The following SETDB1 variants were observed in gnomAD, a reference collection of about 807,000 sequenced individuals.
SETDB1 encodes SET domain bifurcated histone lysine methyltransferase 1.
SETDB1 carries 31 observed loss-of-function variants against 137.4 expected under a neutral mutation model. That is an observed-to-expected ratio of 0.23 (90% CI 0.17 to 0.30). The LOEUF (loss-of-function observed/expected upper bound fraction) is 0.30. Ranked by LOEUF, SETDB1 falls within the 10% of genes least tolerant of loss-of-function variation. SETDB1 has a pLI of 1.00. For synonymous variants in SETDB1, 548 were observed against 579.9 expected, an observed-to-expected ratio of 0.95 and a Z score of 0.79; for missense variants, 1,113 against 1,631.5, an observed-to-expected ratio of 0.68 and a Z score of 5.47.
rs1669684246 is a variant in SETDB1, at chr1:150,930,309, C to T, written c.412+191C>T. The stretch of plus-strand genomic sequence containing the variant: ...ATAGATGTTCCCTATGTGCTACACC[C>T]TGATTGTATTACTTTGCTTTCCTCA... On this transcript the variant is annotated intron_variant, in intron 3 of 21. Coordinates refer to ENST00000692827, the MANE Select transcript of SETDB1 (RefSeq NM_001366418.1). The T allele has an allele frequency of 9.6e-6, 5 of 518,520 alleles. No individual in the cohort carries two copies. In the Admixed American group the frequency reaches 1.5e-4, roughly 15 times the overall value. The allele number at this position is 518,520 out of a possible 1,614,324, so 32.1% of individuals were successfully genotyped here. A position where few individuals can be genotyped will look rare whatever the true frequency, so the allele number is the denominator to read the frequency against.
chr1:150,932,652 T>C (rs1483841049), intron 3 of SETDB1, among the ~76,000 whole-genome samples: 2 of 152,202 alleles, frequency 1.3e-5, no homozygotes, highest in Non-Finnish European at 2.9e-5. Flanking sequence ...ATCCAGGATA[T>C]CACATTAAAT....
At chr1:150,948,670 T>C (rs927840245) in intron 10 of SETDB1, among the ~76,000 whole-genome samples, 2 of 152,020 alleles carry the variant, frequency 1.3e-5, no homozygotes, top group African/African-American at 2.4e-5. Context: ...CCAGCGTCCA[T>C]GCCAGTCAAT....
chr1:150,944,777 G>A, intron 8 of SETDB1, 141 bp from the exon 9 acceptor site: 1 of 798,298 alleles, frequency 1.3e-6, no homozygotes, highest in South Asian at 1.8e-5. Flanking sequence ...AGGTGGTCTT[G>A]GCTTTGCTTC....
intron 14 of SETDB1, among the ~76,000 whole-genome samples, chr1:150,958,233 T>C (rs1558025410): frequency 7.0e-6 from 1 of 143,796 alleles, no homozygotes; most frequent in Non-Finnish European, 1.5e-5. Context: ...GACCTTTTTT[T>C]TTTTCTTTTT....
rs1169130646 is a variant in SETDB1, at chr1:150,927,777, G to C, written c.63G>C (p.Glu21Asp). 6.2e-7 allele frequency: 1 copy of C among 1,614,178 alleles called. No individual in the cohort carries two copies. ...CAACAGCTACAGTGGAGTCTGAAGA[G>C]ATTGCAGAGCTGCAACAGGCAGTGG... ...DAATATVESE[E>D]IAELQQAVVE... The change falls in exon 2 of 22, where the codon GAG (glutamate) becomes GAC (aspartate). Residue 21 changes from glutamate to aspartate, a missense_variant. Glu to Asp is a conservative substitution (Grantham distance 45). Coordinates refer to ENST00000692827, the MANE Select transcript of SETDB1 (RefSeq NM_001366418.1).
At chr1:150,948,570 C>T (rs1326391552) in intron 10 of SETDB1, among the ~76,000 whole-genome samples, 1 of 151,980 alleles carries the variant, frequency 6.6e-6, no homozygotes, top group Admixed American at 6.6e-5. Flanking sequence ...CGCGCCTGGC[C>T]GTTATTCTTT....
chr1:150,957,864 T>C (rs980265115), intron 14 of SETDB1, among the ~76,000 whole-genome samples: 9 of 151,982 alleles, frequency 5.9e-5, no homozygotes, highest in African/African-American at 2.2e-4. Context: ...CCACTGCGCC[T>C]GGCCCAAATT....
chr1:150,936,446 T>C (rs1669947893), intron 3 of SETDB1, among the ~76,000 whole-genome samples: 2 of 152,226 alleles, frequency 1.3e-5, no homozygotes, highest in South Asian at 2.1e-4. Context: ...TTCTTCAACA[T>C]TGTGTTGATG....
In SETDB1 at chr1:150,960,579, T is replaced by C; in HGVS notation, c.2520T>C (p.Asp840=). ...VCIYAGKILT[D]DFADKEGLEM... The stretch of plus-strand genomic sequence containing the variant: ...CATTCTCAGGCAAAATCCTGACAGA[T>C]GACTTTGCAGACAAGGAGGGTCTGG... The change falls in exon 16 of 22, where the codon GAT becomes GAC. Residue 840 remains aspartate (D), a synonymous_variant. Coordinates refer to ENST00000692827, the MANE Select transcript of SETDB1 (RefSeq NM_001366418.1). 6.2e-7 allele frequency: 1 copy of C among 1,612,534 alleles called. No homozygotes were observed.
intron 14 of SETDB1, among the ~76,000 whole-genome samples, chr1:150,952,668 C>T (rs1185752540): frequency 6.6e-6 from 1 of 151,360 alleles, no homozygotes; most frequent in East Asian, 1.9e-4. Context: ...CACCTGAGGT[C>T]GGGAGTTCAA....
At chr1:150,962,536 C>T (rs1446280813) in intron 17 of SETDB1, 51 bp from the exon 18 acceptor site, 3 of 1,598,810 alleles carry the variant, frequency 1.9e-6, no homozygotes, top group Admixed American at 3.4e-5. Flanking sequence ...AGGCTAGAAG[C>T]CTAAGAAACA....
rs777849218 is a variant in SETDB1 at position 150,943,988 on chromosome 1, G to T, written c.944G>T (p.Arg315Leu). The T allele has an allele frequency of 6.2e-7, 1 of 1,607,738 alleles. No individual in the cohort carries two copies. Among genetic ancestry groups the T allele is most frequent in the African/African-American group, 1.3e-5 (1 of 74,748 alleles). ...VTQSELYPICRPLKKTWEDIE... is the reference protein window; with the variant it reads ...VTQSELYPICLPLKKTWEDIE... Reference sequence around the variant, plus strand: ...CAGTCGGAACTGTATCCCATTTGCCGGCCACGTGAGTGTTTCTCCCTTATT... The same window carrying T: ...CAGTCGGAACTGTATCCCATTTGCCTGCCACGTGAGTGTTTCTCCCTTATT... The change falls in exon 8 of 22, where the codon CGG (arginine) becomes CTG (leucine). Residue 315 changes from arginine (R) to leucine (L), a missense_variant. Coordinates refer to ENST00000692827, the MANE Select transcript of SETDB1 (RefSeq NM_001366418.1).
intron 8 of SETDB1, among the ~76,000 whole-genome samples, chr1:150,944,607 A>T (rs1173713384): frequency 6.6e-6 from 1 of 152,194 alleles, no homozygotes; most frequent in South Asian, 2.1e-4. Flanking sequence ...TAAATTTACC[A>T]CTAGACTGAT....
chr1:150,956,878 G>C (rs1670657147), intron 14 of SETDB1, among the ~76,000 whole-genome samples: 1 of 152,148 alleles, frequency 6.6e-6, no homozygotes, highest in Admixed American at 6.5e-5. Flanking sequence ...ACTTTGGGAG[G>C]CCGTGGTGGG....
chr1:150,946,074 C>T (rs1165733319), intron 9 of SETDB1, among the ~76,000 whole-genome samples: 1 of 152,136 alleles, frequency 6.6e-6, no homozygotes, highest in Non-Finnish European at 1.5e-5. Context: ...GGCTGGAGTG[C>T]AGTGGTGCAA....
intron 3 of SETDB1, chr1:150,930,347 C>A: frequency 2.4e-6 from 1 of 420,358 alleles, no homozygotes; most frequent in Non-Finnish European, 4.3e-6. Flanking sequence ...CTGTGTAACC[C>A]CTATTTTGGG....
chr1:150,944,123 C>G, intron 8 of SETDB1, 130 bp downstream of exon 8: 1 of 714,122 alleles, frequency 1.4e-6, no homozygotes, highest in Non-Finnish European at 2.5e-6. Flanking sequence ...TGGTTGATGT[C>G]TTTTGCTCCC....
At chr1:150,948,260 C>A (rs1044570092) in intron 10 of SETDB1, among the ~76,000 whole-genome samples, 13 of 148,406 alleles carry the variant, frequency 8.8e-5, no homozygotes, top group Admixed American at 5.6e-4. Flanking sequence ...ACTCTGCCGA[C>A]AGAGTAGCAA....
intron 16 of SETDB1, 109 bp from the exon 17 acceptor site, chr1:150,962,021 T>G (rs1418362052): frequency 1.2e-5 from 16 of 1,302,664 alleles, no homozygotes; most frequent in Non-Finnish European, 1.7e-5. Flanking sequence ...CTTTAGAATG[T>G]GTACCTGTCA....
Sources: allele counts gnomAD v4.1 joint callset (sites outside exome capture counted in the v4.1 genomes callset), GRCh38; gene constraint gnomAD v4.1.1; transcripts MANE v1.5; gene names NCBI Gene and HGNC (gene_info 2026-07-23, HGNC 2026-07-21).